HERC1: variants seen among roughly 807,000 people sequenced by gnomAD.
The protein encoded by HERC1 is probable E3 ubiquitin-protein ligase HERC1.
A neutral mutation model predicts 554.3 loss-of-function variants in HERC1; 160 were observed. That is an observed-to-expected ratio of 0.29 (90% CI 0.25 to 0.33). The LOEUF (loss-of-function observed/expected upper bound fraction) is 0.33. Ranked by LOEUF, HERC1 falls within the 10% of genes least tolerant of loss-of-function variation. The pLI, the probability that HERC1 is intolerant of heterozygous loss-of-function variation, is 1.00. For synonymous variants in HERC1, 2,175 were observed against 2,131.7 expected (o/e 1.02, Z -0.56); for missense variants, 4,919 against 5,918.5 (o/e 0.83, Z 5.54).
At chr15:63,639,562 GTC>G (rs1318707069) in intron 61 of HERC1, among the ~76,000 whole-genome samples, 1 of 152,130 alleles carries the variant, frequency 6.6e-6, no homozygotes, top group African/African-American at 2.4e-5. Context: ...ATTTATATTT[GTC>G]TGTTTCATAT....
In HERC1 at chr15:63,801,827, T is replaced by A. The variant is rs115096615; in HGVS notation, c.-26-26178A>T. On this transcript the variant is annotated intron_variant, in intron 1 of 77. Transcript: ENST00000443617. ...TCTCCTCCTCTTCATGTACATACATTTTTGGATCCCAGCAACTCCCAAGGC... is the reference window on the plus strand; with the variant it reads ...TCTCCTCCTCTTCATGTACATACATATTTGGATCCCAGCAACTCCCAAGGC... 5.3e-3 allele frequency among the ~76,000 whole-genome samples: 808 copies of A among 152,282 alleles called. 5 individuals are homozygous for A. The highest frequency in any genetic ancestry group is 0.018 in the African/African-American group (748 of 41,562).
intron 12 of HERC1, among the ~76,000 whole-genome samples, chr15:63,741,659 T>G (rs1356925181): frequency 1.3e-5 from 2 of 152,210 alleles, no homozygotes; most frequent in African/African-American, 4.8e-5. Context: ...TTAATCCACT[T>G]TAATTTTTTT....
intron 1 of HERC1, among the ~76,000 whole-genome samples, chr15:63,820,730 C>A (rs2145714972): frequency 6.6e-6 from 1 of 152,126 alleles, no homozygotes; most frequent in African/African-American, 2.4e-5. Flanking sequence ...GCTGCCTAGG[C>A]TAGTGTTGAA....
intron 1 of HERC1, among the ~76,000 whole-genome samples, chr15:63,821,186 C>T (rs2077678013): frequency 6.6e-6 from 1 of 152,076 alleles, no homozygotes; most frequent in African/African-American, 2.4e-5. Context: ...CTTTGGGAGG[C>T]TGGGGTGAGA....
In HERC1 at chr15:63,672,477, T is replaced by C; in HGVS notation, c.8045+19A>G. 6.4e-7 allele frequency: 1 copy of C among 1,556,528 alleles called. No individual in the cohort carries two copies. Among genetic ancestry groups the C allele is most frequent in the East Asian group, 2.4e-5 (1 of 42,444 alleles). On this transcript the variant is annotated intron_variant, in intron 39 of 77. Coordinates refer to ENST00000443617, the MANE Select transcript of HERC1 (RefSeq NM_003922.4). Reference sequence around the variant, plus strand: ...ACACAGGCATCAGTATGGCAGACATTAAAGGTCAACTTCTCTACCTGAGAA... The same window carrying C: ...ACACAGGCATCAGTATGGCAGACATCAAAGGTCAACTTCTCTACCTGAGAA...
intron 61 of HERC1, 62 bp downstream of exon 61, chr15:63,640,090 A>G: frequency 6.7e-7 from 1 of 1,488,650 alleles, no homozygotes; most frequent in Non-Finnish European, 9.3e-7. Context: ...GGGGTCTGCT[A>G]CATGCCCAAT....
rs765152635 is a variant in HERC1 at position 63,654,103 on chromosome 15, C to T, written c.10290+16G>A. On this transcript the variant is annotated intron_variant, in intron 51 of 77. Coordinates refer to ENST00000443617, the MANE Select transcript of HERC1 (RefSeq NM_003922.4). ...TACATAACGTGATTAACACACTTTC[C>T]ACTCAAAATACTTACTCTGTTCTGA... 3.0e-5 allele frequency: 47 copies of T among 1,587,908 alleles called. No homozygotes were observed. Among genetic ancestry groups the T allele is most frequent in the Non-Finnish European group, 4.1e-5 (47 of 1,156,914 alleles).
rs34069674 is a variant in HERC1, at chr15:63,718,083, G to GAC, written c.3978+489_3978+490dup. 0.17 allele frequency among the ~76,000 whole-genome samples: 13,168 copies of GAC among 75,564 alleles called. 1,579 individuals are homozygous for GAC. The highest frequency in any genetic ancestry group is 0.63 in the East Asian group (2,968 of 4,736). The allele number at this position is 75,564 out of a possible 152,430, so 49.6% of individuals were successfully genotyped here. ...AGTATTTTTAAGGCAGCTATTATGT[G>GAC]ACACACACACACACACACACACACA... On this transcript the variant is annotated intron_variant, in intron 21 of 77. Coordinates refer to ENST00000443617, the MANE Select transcript of HERC1 (RefSeq NM_003922.4). The surrounding 1 kb of genome is among the most constrained non-coding windows in gnomAD (Gnocchi z 4.2).
In HERC1 at chr15:63,747,004, T is replaced by C. The variant is rs1459805972; in HGVS notation, c.2434A>G (p.Thr812Ala). 1 of 1,580,496 alleles carries C rather than the reference T, an allele frequency of 6.3e-7. No homozygotes were observed. The highest frequency in any genetic ancestry group is 1.2e-5 in the South Asian group (1 of 85,700). ...CCTGCCTGCCTCCCGAGAATGCTGG[T>C]AGCTACCCCTCCCGCAAGTGCAAGA... ...LALALAGGVA[T>A]SILGRQAGPL... The change falls in exon 12 of 78, where the codon ACC (threonine) becomes GCC (alanine). Residue 812 changes from threonine (T) to alanine (A), a missense_variant. Around this residue, in one of 11 missense-constraint regions of HERC1, gnomAD observed 744 missense variants for 1,090.0 expected, o/e 0.68. Coordinates refer to ENST00000443617, the MANE Select transcript of HERC1 (RefSeq NM_003922.4).
chr15:63,829,518 AAAT>A (rs1180573353), intron 1 of HERC1, among the ~76,000 whole-genome samples: 27 of 84,042 alleles, frequency 3.2e-4, no homozygotes, highest in African/African-American at 1.1e-3. Context: ...ACACATATAT[AAAT>A]AATATGTGTG....
At chr15:63,624,104 C>G (rs2068200195) in intron 72 of HERC1, 54 bp downstream of exon 72, 1 of 1,477,768 alleles carries the variant, frequency 6.8e-7, no homozygotes, top group African/African-American at 1.4e-5. Context: ...TTAGTAATAA[C>G]ATCCATCTGA....
chr15:63,699,074 C>T, intron 25 of HERC1, 78 bp from the exon 26 acceptor site: 1 of 1,291,140 alleles, frequency 7.7e-7, no homozygotes, highest in Non-Finnish European at 1.1e-6. Flanking sequence ...AGGCTGAGTG[C>T]TGCTACCATA....
chr15:63,723,323 G>A lies in HERC1; in HGVS notation c.3601C>T (p.Leu1201Phe). 1 of 1,592,250 alleles carries A rather than the reference G, an allele frequency of 6.3e-7. No individual in the cohort carries two copies. The highest frequency in any genetic ancestry group is 8.6e-7 in the Non-Finnish European group (1 of 1,168,812). ...GGCTTCTGTTCTTCATTTCCAGAAA[G>A]TGCTACTTCTAACAGGCAACTCATA... ...KCMSCLLEVA[L>F]SGNEEQKPFD... The change falls in exon 19 of 78, where the codon CTT becomes TTT. Residue 1201 changes from leucine to phenylalanine, a missense_variant. Physicochemically the swap from Leu to Phe is conservative, Grantham distance 22 (BLOSUM62 0). Transcript: ENST00000443617.
At chr15:63,720,486 A>C (rs1475620084) in intron 19 of HERC1, among the ~76,000 whole-genome samples, 1 of 152,142 alleles carries the variant, frequency 6.6e-6, no homozygotes, top group Non-Finnish European at 1.5e-5. Context: ...TTTAGCCTCA[A>C]ATTAATTTTG....
At chr15:63,773,009 C>T (rs987255914) in intron 2 of HERC1, among the ~76,000 whole-genome samples, 3 of 152,200 alleles carry the variant, frequency 2.0e-5, no homozygotes, top group Non-Finnish European at 4.4e-5. Context: ...TTATGAGACA[C>T]TCCTGTCCAA....
intron 25 of HERC1, among the ~76,000 whole-genome samples, chr15:63,706,021 C>A (rs1490195519): frequency 1.6e-5 from 2 of 124,362 alleles, no homozygotes; most frequent in African/African-American, 3.3e-5. Flanking sequence ...CAAAGCAAGA[C>A]CCTGTCTCCA....
Position 63,727,504 on chromosome 15 carries a change from T to G in HERC1, c.3346+143A>C. ...ATAAAATAAGAGGACTTACTTAAAT[T>G]TGAAAAGCTTTTAAGATTTCAGTGA... is the stretch of plus-strand genomic sequence containing the variant. On this transcript the variant is annotated intron_variant, in intron 17 of 77. Transcript: ENST00000443617. The surrounding 1 kb of genome is among the most constrained non-coding windows in gnomAD (Gnocchi z 4.3). The G allele has an allele frequency of 1.7e-6, 1 of 585,118 alleles. No individual in the cohort carries two copies. 36.2% of individuals were successfully genotyped at this position (585,118 alleles called of 1,614,324 possible). A position where few individuals can be genotyped will look rare whatever the true frequency, so the allele number is the denominator to read the frequency against.
chr15:63,825,951 CG>C (rs1402116034), intron 1 of HERC1, among the ~76,000 whole-genome samples: 1 of 151,648 alleles, frequency 6.6e-6, no homozygotes, highest in Non-Finnish European at 1.5e-5. Context: ...TTAGTAGAGA[CG>C]GGGTTTCACC....
At chr15:63,743,597 T>G (rs777223240) in intron 12 of HERC1, among the ~76,000 whole-genome samples, 16 of 152,216 alleles carry the variant, frequency 1.1e-4, no homozygotes, top group Non-Finnish European at 1.8e-4. Flanking sequence ...ATTCTGGTAT[T>G]AAAGGATTCT....
Sources: gnomAD v4.1 joint callset for allele counts (sites outside exome capture counted in the v4.1 genomes callset) on GRCh38, gnomAD v4.1.1 for gene constraint, gnomAD v4.1.1 regional missense constraint, Gnocchi (gnomAD v3.1) non-coding constraint, MANE v1.5 for transcripts, NCBI Gene and HGNC (gene_info 2026-07-23, HGNC 2026-07-21) for gene names.